Variants in MSI2 observed in about 807,000 individuals in gnomAD.
MSI2 encodes the protein musashi RNA binding protein 2.
MSI2 carries 17 observed loss-of-function variants against 45.6 expected under a neutral mutation model. The observed-to-expected ratio is 0.37, with a 90% CI of 0.26 to 0.56. The LOEUF is 0.56. Ranked by LOEUF, MSI2 falls within the 20% of genes least tolerant of loss-of-function variation. MSI2 has a pLI of 0.77. For synonymous variants in MSI2, 156 were observed against 158.2 expected (o/e 0.99, Z 0.11); for missense variants, 293 against 444.2 (o/e 0.66, Z 3.06).
intron 3 of MSI2, among the ~76,000 whole-genome samples, 166 bp from the exon 4 acceptor site, chr17:57,258,104 G>T (rs535626348): frequency 6.6e-6 from 1 of 152,224 alleles, no homozygotes; most frequent in Non-Finnish European, 1.5e-5. Context: ...TTTTTCTTGC[G>T]AGGTGGAGGG....
chr17:57,334,858 G>T (rs999718066), intron 5 of MSI2, among the ~76,000 whole-genome samples: 3 of 151,672 alleles, frequency 2.0e-5, no homozygotes, highest in Non-Finnish European at 4.4e-5. Flanking sequence ...TGGAGGAAAA[G>T]GGTTTGGGAA....
intron 5 of MSI2, chr17:57,285,999 G>T: frequency 6.5e-7 from 1 of 1,531,004 alleles, no homozygotes; most frequent in Non-Finnish European, 8.7e-7. Flanking sequence ...TTATATTCCT[G>T]CAATCTGATG....
chr17:57,347,849 A>G (rs1915735582), intron 5 of MSI2, among the ~76,000 whole-genome samples: 1 of 152,126 alleles, frequency 6.6e-6, no homozygotes, highest in Non-Finnish European at 1.5e-5. Context: ...CACGTATCTG[A>G]CCATTTCTTC....
At chr17:57,604,881 C>CT (rs368361959) in intron 8 of MSI2, among the ~76,000 whole-genome samples, 1 of 151,488 alleles carries the variant, frequency 6.6e-6, no homozygotes, top group East Asian at 2.0e-4. Context: ...CTCACCCCCC[C>CT]ACTCCTTCCA....
chr17:57,503,836 C>G (rs1394526645), intron 6 of MSI2, among the ~76,000 whole-genome samples: 3 of 152,234 alleles, frequency 2.0e-5, no homozygotes, highest in African/African-American at 7.2e-5. Flanking sequence ...CCTCCGCCTC[C>G]CAGGTTCAAG....
intron 6 of MSI2, among the ~76,000 whole-genome samples, chr17:57,471,987 A>T (rs1206232536): frequency 6.6e-6 from 1 of 151,184 alleles, no homozygotes; most frequent in African/African-American, 2.4e-5. Context: ...CTAGATTTTG[A>T]GGAGCAGAGG....
intron 10 of MSI2, chr17:57,633,074 T>G: frequency 9.7e-7 from 1 of 1,036,172 alleles, no homozygotes; most frequent in Non-Finnish European, 1.2e-6. Flanking sequence ...TTAGCCATTG[T>G]GAATTTTCTT....
At chr17:57,463,714 C>T (rs1386562057) in intron 6 of MSI2, among the ~76,000 whole-genome samples, 3 of 151,746 alleles carry the variant, frequency 2.0e-5, no homozygotes, top group East Asian at 3.9e-4. Flanking sequence ...GCTCCAGCCC[C>T]CTGCTCTGCC....
At chr17:57,631,861 T>C in intron 10 of MSI2, 1 of 1,610,900 alleles carries the variant, frequency 6.2e-7, no homozygotes, top group Non-Finnish European at 8.5e-7. Context: ...AAAGTGGGGG[T>C]TGCTACCATT....
chr17:57,290,909 C>G (rs1396731047), intron 5 of MSI2, among the ~76,000 whole-genome samples: 1 of 152,220 alleles, frequency 6.6e-6, no homozygotes, highest in Non-Finnish European at 1.5e-5. Flanking sequence ...ATCTGGGAAA[C>G]AGTTCTGCCC....
chr17:57,570,826 CCT>C (rs2087857200), intron 7 of MSI2, among the ~76,000 whole-genome samples: 1 of 152,178 alleles, frequency 6.6e-6, no homozygotes, highest in Non-Finnish European at 1.5e-5. Context: ...GCTGCTGGAT[CCT>C]CTCTTATATG....
At chr17:57,698,564 A>T in the MSI2 span, among the ~76,000 whole-genome samples, 2 of 151,948 alleles carry the variant, frequency 1.3e-5, no homozygotes, top group African/African-American at 2.4e-5. Context: ...TCCCTACAAA[A>T]GCCTTTTGTG....
At chr17:57,320,905 C>T (rs758684161) in intron 5 of MSI2, among the ~76,000 whole-genome samples, 8 of 152,166 alleles carry the variant, frequency 5.3e-5, no homozygotes, top group South Asian at 4.1e-4. Context: ...TGAGAGTGGA[C>T]GTCTTGTCCT....
At chr17:57,600,231 CA>C (rs1905712888) in intron 8 of MSI2, among the ~76,000 whole-genome samples, 1 of 152,222 alleles carries the variant, frequency 6.6e-6, no homozygotes, top group South Asian at 2.1e-4. Flanking sequence ...GTTTCATAAA[CA>C]GGACTGTGCT....
chr17:57,511,406 C>G (rs1381017548), intron 6 of MSI2, among the ~76,000 whole-genome samples: 2 of 152,178 alleles, frequency 1.3e-5, no homozygotes, highest in Non-Finnish European at 2.9e-5. Context: ...CCCACACTTA[C>G]CCAGAGACAC....
chr17:57,322,212 G>T (rs1913407892), intron 5 of MSI2, among the ~76,000 whole-genome samples: 1 of 152,188 alleles, frequency 6.6e-6, no homozygotes, highest in Admixed American at 6.5e-5. Flanking sequence ...ATCAGGGAAT[G>T]GACCCAGTAT....
intron 7 of MSI2, among the ~76,000 whole-genome samples, chr17:57,582,735 A>G (rs2088237905): frequency 6.6e-6 from 1 of 152,184 alleles, no homozygotes. Flanking sequence ...CCTGATGTCA[A>G]TCAGTTTTTC....
chr17:57,264,823 A>AGATGGGCT (rs1412285780), intron 5 of MSI2: 2 of 152,232 alleles, frequency 1.3e-5, no homozygotes, highest in Non-Finnish European at 2.9e-5. Flanking sequence ...ATGCGACAGG[A>AGATGGGCT]GATGGGCTCG....
At chr17:57,456,747 T>A (rs2085123598) in intron 6 of MSI2, among the ~76,000 whole-genome samples, 1 of 152,146 alleles carries the variant, frequency 6.6e-6, no homozygotes, top group Non-Finnish European at 1.5e-5. Flanking sequence ...GGTCCGTAAA[T>A]CTTCATTGCA....
Sources: allele counts gnomAD v4.1 joint callset (sites outside exome capture counted in the v4.1 genomes callset), GRCh38; gene constraint gnomAD v4.1.1; transcripts MANE v1.5; gene names NCBI Gene and HGNC (gene_info 2026-07-23, HGNC 2026-07-21).